STOML1: variants seen among roughly 807,000 people sequenced by gnomAD.
STOML1 encodes stomatin like 1, also known as stomatin-like protein 1.
Under a neutral mutation model 35.7 loss-of-function variants are expected in STOML1, and 27 were observed. The observed-to-expected ratio is 0.76, with a 90% CI of 0.56 to 1.04. STOML1 has a LOEUF of 1.04. STOML1 is among the 50% of genes least tolerant of loss of function. STOML1 has a pLI of 0.00. For synonymous variants in STOML1, 219 were observed against 227.9 expected (o/e 0.96, Z 0.35); for missense variants, 451 against 527.1 (o/e 0.86, Z 1.41).
rs960896941 is a variant in STOML1 at position 73,980,207 on chromosome 15, G to T, written c.*3730C>A. 1 of 152,122 alleles carries T rather than the reference G, an allele frequency of 6.6e-6. No homozygotes were observed. Among genetic ancestry groups the T allele is most frequent in the Non-Finnish European group, 1.5e-5 (1 of 68,034 alleles). The allele number at this position is 152,122 out of a possible 1,614,324, so 9.4% of individuals were successfully genotyped here. A position where few individuals can be genotyped will look rare whatever the true frequency, so the allele number is the denominator to read the frequency against. ...CCACTGACAATGGGAGTGTAAATTG[G>T]TATAATCCCCAGAGAAGGTATTCTG... On this transcript the variant is annotated 3_prime_UTR_variant, in exon 7 of 7. Transcript: ENST00000541638.
At chr15:73,984,595 T>C in intron 6 of STOML1, 64 bp downstream of exon 6, 1 of 1,580,612 alleles carries the variant, frequency 6.3e-7, no homozygotes, top group Non-Finnish European at 8.7e-7. Context: ...AGAGCACCAC[T>C]GGGGTAGGTA....
chr15:73,987,241 G>A (rs988544578), intron 4 of STOML1: 9 of 153,066 alleles, frequency 5.9e-5, no homozygotes, highest in African/African-American at 1.4e-4. Flanking sequence ...GTGAGAGGTG[G>A]GGACTCTGAT....
At chr15:73,990,913 TTC>T in intron 1 of STOML1, 1 of 1,526,360 alleles carries the variant, frequency 6.6e-7, no homozygotes, top group Non-Finnish European at 8.8e-7. Flanking sequence ...GAAGTGTGCT[TTC>T]CAGGAGTCCT....
chr15:73,981,053 T>A lies in STOML1; in HGVS notation c.*2884A>T, dbSNP rs1264169311. ...TAGAGCAAGACGGTCTAAAAAATTTTTTTTAAATGCTTAAAAATAAGGCCA... is the reference window on the plus strand; with the variant it reads ...TAGAGCAAGACGGTCTAAAAAATTTATTTTAAATGCTTAAAAATAAGGCCA... On this transcript the variant is annotated 3_prime_UTR_variant, in exon 7 of 7. Transcript: ENST00000541638. The A allele has an allele frequency of 6.6e-6, 1 of 151,250 alleles. No individual in the cohort carries two copies. The highest frequency in any genetic ancestry group is 2.0e-4 in the East Asian group (1 of 5,118). 9.4% of individuals were successfully genotyped at this position (151,250 alleles called of 1,614,324 possible). A position where few individuals can be genotyped will look rare whatever the true frequency, so the allele number is the denominator to read the frequency against.
chr15:73,983,982 C>T lies in STOML1; in HGVS notation c.1152G>A (p.Leu384=). ...CAGCCTCCAGCTTCATGGCCATAGC[C>T]AGGTCGCCCTTCACCTTCAGCCGTC... ...MSGRLKVKGD[L]AMAMKLEAVL... The change falls in exon 7 of 7, where the codon CTG becomes CTA. Residue 384 remains leucine (L), a synonymous_variant. Transcript: ENST00000541638. 4 of 1,614,068 alleles carry T rather than the reference C, an allele frequency of 2.5e-6. No individual in the cohort carries two copies. The highest frequency in any genetic ancestry group is 3.3e-4 in the Middle Eastern group (2 of 6,062).
chr15:73,994,511 G>A (rs1276485359), upstream of STOML1: 5 of 492,878 alleles, frequency 1.0e-5, no homozygotes, highest in East Asian at 1.8e-4. Context: ...CGGGAGCAGG[G>A]CTGCCCCCCT....
intron 4 of STOML1, chr15:73,985,729 G>A: frequency 1.8e-6 from 1 of 547,728 alleles, no homozygotes; most frequent in Non-Finnish European, 3.1e-6. Context: ...GCAGAGGAGG[G>A]TGGTGCCAGC....
In STOML1 at chr15:73,988,326, G is replaced by T; in HGVS notation, c.594+273C>A. 2.3e-6 allele frequency: 1 copy of T among 443,824 alleles called. No individual in the cohort carries two copies. The highest frequency in any genetic ancestry group is 2.6e-5 in the South Asian group (1 of 38,880). 27.5% of individuals were successfully genotyped at this position (443,824 alleles called of 1,614,324 possible). A position where few individuals can be genotyped will look rare whatever the true frequency, so the allele number is the denominator to read the frequency against. On this transcript the variant is annotated intron_variant, in intron 4 of 6. Transcript: ENST00000541638. This position sits in a 1 kb window ranked among gnomAD's most constrained non-coding sequence, Gnocchi z 4.8. ...GTGTCATCATGGCAGAGCAGTGAGGGGTAAAAACTAAGGGGCAGACCCCAA... is the reference window on the plus strand; with the variant it reads ...GTGTCATCATGGCAGAGCAGTGAGGTGTAAAAACTAAGGGGCAGACCCCAA...
rs551904217 is a variant in STOML1 at position 73,980,723 on chromosome 15, T to C, written c.*3214A>G. The C allele has an allele frequency of 6.6e-6, 1 of 152,290 alleles. No individual in the cohort carries two copies. The highest frequency in any genetic ancestry group is 1.9e-4 in the East Asian group (1 of 5,192). The allele number at this position is 152,290 out of a possible 1,614,324, so 9.4% of individuals were successfully genotyped here. A position where few individuals can be genotyped will look rare whatever the true frequency, so the allele number is the denominator to read the frequency against. On this transcript the variant is annotated 3_prime_UTR_variant, in exon 7 of 7. Coordinates refer to ENST00000541638, the MANE Select transcript of STOML1 (RefSeq NM_004809.5). ...AGAATTTTCATAATATGCTTTCCTA[T>C]CTTTTTAAATGTTTAGCCAACCAAA...
At chr15:73,985,194 T>C in intron 5 of STOML1, 124 bp downstream of exon 5, 3 of 1,202,054 alleles carry the variant, frequency 2.5e-6, no homozygotes, top group African/African-American at 1.5e-5. Context: ...GCCTTGGCTG[T>C]GGTCAGTGTG....
Position 73,979,509 on chromosome 15 carries a change from G to T in STOML1, c.*4428C>A, listed in dbSNP as rs202180221. The T allele has an allele frequency of 1.3e-5, 2 of 152,250 alleles. No homozygotes were observed. Among genetic ancestry groups the T allele is most frequent in the East Asian group, 3.9e-4 (2 of 5,182 alleles). 9.4% of individuals were successfully genotyped at this position (152,250 alleles called of 1,614,324 possible). A position where few individuals can be genotyped will look rare whatever the true frequency, so the allele number is the denominator to read the frequency against. On this transcript the variant is annotated 3_prime_UTR_variant, in exon 7 of 7. Transcript: ENST00000541638. ...TGGGACTACAGCCGTGTACCACCAT[G>T]CCTGGCTAAATTTTGTATTTTTAGT...
At position 73,989,113 on chromosome 15, in the gene STOML1, A is replaced by G; in HGVS notation, c.385T>C (p.Cys129Arg). 6.3e-7 allele frequency: 1 copy of G among 1,594,776 alleles called. No individual in the cohort carries two copies. Among genetic ancestry groups the G allele is most frequent in the Non-Finnish European group, 8.6e-7 (1 of 1,169,384 alleles). ...GCAGCTGAGAAGCCCCTCACCTTGC[A>G]GGGAGGGACGTTGAAGGCTCGTGTC... Reference protein sequence around the residue: ...LRTRAFNVPPCKLASKDGAVL... With the variant: ...LRTRAFNVPPRKLASKDGAVL... Residue 129 changes from cysteine to arginine, a missense_variant, in exon 3 of 7, where the codon TGC (cysteine) becomes CGC (arginine). Physicochemically the swap from Cys to Arg is radical, Grantham distance 180. Coordinates refer to ENST00000541638, the MANE Select transcript of STOML1 (RefSeq NM_004809.5).
At chr15:73,991,873 G>C in intron 1 of STOML1, 2 of 700,382 alleles carry the variant, frequency 2.9e-6, no homozygotes, top group Non-Finnish European at 4.7e-6. Flanking sequence ...AGCAACGCTG[G>C]CTGGCTCTGG....
chr15:73,979,936 A>T lies in STOML1; in HGVS notation c.*4001T>A, dbSNP rs1475688872. 1 of 145,232 alleles carries T rather than the reference A, an allele frequency of 6.9e-6. No homozygotes were observed. The highest frequency in any genetic ancestry group is 2.2e-4 in the South Asian group (1 of 4,564). The allele number at this position is 145,232 out of a possible 1,614,324, so 9.0% of individuals were successfully genotyped here. Reference sequence around the variant, plus strand: ...TCTACAAAAAAAAAAAAAAAAAAAAAGCCAGGCATGGTGATCCTTTAAGCC... The same window carrying T: ...TCTACAAAAAAAAAAAAAAAAAAAATGCCAGGCATGGTGATCCTTTAAGCC... On this transcript the variant is annotated 3_prime_UTR_variant, in exon 7 of 7. Coordinates refer to ENST00000541638, the MANE Select transcript of STOML1 (RefSeq NM_004809.5).
At chr15:73,991,761 G>C (rs2069284107) in intron 1 of STOML1, 3 of 542,912 alleles carry the variant, frequency 5.5e-6, no homozygotes, top group African/African-American at 1.9e-5. Flanking sequence ...CCTAGACCTC[G>C]GTTTCTTCTA....
intron 5 of STOML1, 148 bp downstream of exon 5, chr15:73,985,170 G>T: frequency 9.8e-7 from 1 of 1,018,962 alleles, no homozygotes; most frequent in Non-Finnish European, 1.4e-6. Context: ...TCAGACACCT[G>T]GCCTCCTCTC....
upstream of STOML1, among the ~76,000 whole-genome samples, chr15:73,994,331 C>T (rs945371735): frequency 1.3e-5 from 2 of 152,248 alleles, no homozygotes; most frequent in Admixed American, 1.3e-4. Context: ...TTTGCAGGTC[C>T]CAGCTGTGGG....
intron 1 of STOML1, chr15:73,991,771 A>G (rs958044158): frequency 1.8e-5 from 10 of 551,708 alleles, no homozygotes; most frequent in African/African-American, 1.7e-4. Flanking sequence ...GGTTTCTTCT[A>G]TGCGAAATAG....
chr15:73,991,891 G>C, intron 1 of STOML1, 200 bp downstream of exon 1: 1 of 824,758 alleles, frequency 1.2e-6, no homozygotes, highest in Non-Finnish European at 1.8e-6. Context: ...TGGGGCCAAA[G>C]CCCCATGACC....
Sources: allele counts gnomAD v4.1 joint callset (sites outside exome capture counted in the v4.1 genomes callset), GRCh38; gene constraint gnomAD v4.1.1; non-coding constraint Gnocchi (gnomAD v3.1); transcripts MANE v1.5; gene names NCBI Gene and HGNC (gene_info 2026-07-23, HGNC 2026-07-21).